The following IGF2BP3 variants were observed in gnomAD, a reference collection of about 807,000 sequenced individuals.
The protein encoded by IGF2BP3 is insulin-like growth factor 2 mRNA-binding protein 3.
IGF2BP3 carries 9 observed loss-of-function variants against 73.8 expected under a neutral mutation model. The ratio of observed to expected loss-of-function variants is 0.12; its 90% CI spans 0.07 to 0.21. The LOEUF is 0.21. Among genes scored for constraint, IGF2BP3 ranks in the 10% least tolerant of loss-of-function variants. The pLI is 1.00. For missense variants in IGF2BP3, 542 were observed against 714.0 expected (o/e 0.76, Z 2.75); for synonymous variants, 258 against 256.7 (o/e 1.01, Z -0.05).
At chr7:23,417,904 A>C (rs1380910413) in intron 3 of IGF2BP3, among the ~76,000 whole-genome samples, 1 of 152,202 alleles carries the variant, frequency 6.6e-6, no homozygotes, top group Non-Finnish European at 1.5e-5. Context: ...GCAAAGCTTA[A>C]TCTCAATAAT....
rs1784070811 is a variant in IGF2BP3 at position 23,319,200 on chromosome 7, T to C, written c.1258A>G (p.Ile420Val). Reference protein sequence around the residue: ...LFIPALSVGAIIGKQGQHIKQ... With the variant: ...LFIPALSVGAVIGKQGQHIKQ... ...ATGTGCTGGCCCTGCTTGCCGATGA[T>C]GGCACCGACTGATAGAGCTGGGATA... Residue 420 changes from isoleucine to valine, a missense_variant, in exon 11 of 15, where the codon ATC (isoleucine) becomes GTC (valine). Around this residue, in one of 2 missense-constraint regions of IGF2BP3, gnomAD observed 303 missense variants for 472.1 expected, o/e 0.64. Coordinates refer to ENST00000258729, the MANE Select transcript of IGF2BP3 (RefSeq NM_006547.3). 1 of 1,613,912 alleles carries C rather than the reference T, an allele frequency of 6.2e-7. No homozygotes were observed. Among genetic ancestry groups the C allele is most frequent in the Non-Finnish European group, 8.5e-7 (1 of 1,179,918 alleles).
chr7:23,400,263 A>G (rs537653110), intron 3 of IGF2BP3, among the ~76,000 whole-genome samples: 1 of 152,370 alleles, frequency 6.6e-6, no homozygotes, highest in Admixed American at 6.5e-5. Flanking sequence ...ATGCAATTCA[A>G]TTCTGTGAAA....
At chr7:23,388,539 G>A (rs998059948) in intron 3 of IGF2BP3, among the ~76,000 whole-genome samples, 1 of 151,760 alleles carries the variant, frequency 6.6e-6, no homozygotes, top group Admixed American at 6.6e-5. Flanking sequence ...AAAATAAATC[G>A]GTTTCAAGGG....
At position 23,460,867 on chromosome 7, in the gene IGF2BP3, C is replaced by T. The variant is rs528003833; in HGVS notation, c.236+7615G>A. Reference sequence around the variant, plus strand: ...TTGGGAGGCTGTGGCAGGAGGACCTCTTGAACCCGGGAGGCGGAGGCTGCA... The same window carrying T: ...TTGGGAGGCTGTGGCAGGAGGACCTTTTGAACCCGGGAGGCGGAGGCTGCA... On this transcript the variant is annotated intron_variant, in intron 2 of 14. Coordinates refer to ENST00000258729, the MANE Select transcript of IGF2BP3 (RefSeq NM_006547.3). 1.5e-3 allele frequency among the ~76,000 whole-genome samples: 234 copies of T among 152,178 alleles called. 1 individual carries two copies. Among genetic ancestry groups the T allele is most frequent in the African/African-American group, 5.1e-3 (213 of 41,504 alleles).
chr7:23,419,598 T>C (rs1787286851), intron 2 of IGF2BP3, among the ~76,000 whole-genome samples: 1 of 152,178 alleles, frequency 6.6e-6, no homozygotes, highest in Non-Finnish European at 1.5e-5. Flanking sequence ...AGGCCTATAA[T>C]CCCAACACTT....
chr7:23,316,436 C>A lies in IGF2BP3; in HGVS notation c.1395+1203G>T, dbSNP rs1443097210. On this transcript the variant is annotated intron_variant, in intron 12 of 14. Transcript: ENST00000258729. Reference sequence around the variant, plus strand: ...GTGGCTGATGCCTGTAATCCCAGCACTTTGGGAGGCTAAGGTGGGCGGATC... The same window carrying A: ...GTGGCTGATGCCTGTAATCCCAGCAATTTGGGAGGCTAAGGTGGGCGGATC... Among the ~76,000 whole-genome samples the A allele has an allele frequency of 2.0e-5, 3 of 152,016 alleles. No homozygotes were observed. In the South Asian group the frequency reaches 6.2e-4, roughly 32 times the overall value.
At chr7:23,419,649 C>G (rs1787289164) in intron 2 of IGF2BP3, among the ~76,000 whole-genome samples, 2 of 152,176 alleles carry the variant, frequency 1.3e-5, no homozygotes, top group South Asian at 4.1e-4. Context: ...GTCTGGAGGT[C>G]AGGACCAGAC....
chr7:23,333,633 G>A (rs987982698), intron 10 of IGF2BP3, among the ~76,000 whole-genome samples: 1 of 152,180 alleles, frequency 6.6e-6, no homozygotes, highest in Non-Finnish European at 1.5e-5. Flanking sequence ...GAAAAAAAGG[G>A]CACATACATG....
intron 12 of IGF2BP3, among the ~76,000 whole-genome samples, chr7:23,315,904 CAT>C (rs1783976687): frequency 6.6e-6 from 1 of 152,166 alleles, no homozygotes; most frequent in Admixed American, 6.5e-5. Context: ...AACTATAAAA[CAT>C]GAGTTTTATT....
At chr7:23,342,288 A>G in intron 9 of IGF2BP3, 99 bp from the exon 10 acceptor site, 1 of 1,317,402 alleles carries the variant, frequency 7.6e-7, no homozygotes, top group South Asian at 1.2e-5. Context: ...CTTGTCTAAT[A>G]AAGAAATGAT....
chr7:23,377,642 A>T (rs1020978195), intron 3 of IGF2BP3, among the ~76,000 whole-genome samples: 4 of 152,222 alleles, frequency 2.6e-5, no homozygotes, highest in African/African-American at 7.2e-5. Context: ...CTGAAAATCT[A>T]TGTTTACACA....
chr7:23,337,073 T>G (rs1784592720), intron 10 of IGF2BP3, among the ~76,000 whole-genome samples: 2 of 152,100 alleles, frequency 1.3e-5, no homozygotes, highest in South Asian at 4.1e-4. Flanking sequence ...GTACACAAAA[T>G]AGTTAAGTAT....
Position 23,310,381 on chromosome 7 carries a change from A to C in IGF2BP3, c.*1981T>G, listed in dbSNP as rs1424877700. 3 of 152,364 alleles carry C rather than the reference A, an allele frequency of 2.0e-5. No individual in the cohort carries two copies. The East Asian group carries it at 5.8e-4, about 29-fold the overall frequency. The allele number at this position is 152,364 out of a possible 1,614,324, so 9.4% of individuals were successfully genotyped here. On this transcript the variant is annotated 3_prime_UTR_variant, in exon 15 of 15. Coordinates refer to ENST00000258729, the MANE Select transcript of IGF2BP3 (RefSeq NM_006547.3). ...TCCAAATTACAAATGCTTAAGTAAA[A>C]GTAAAATATGATTTGCCATACTAAA...
intron 5 of IGF2BP3, among the ~76,000 whole-genome samples, chr7:23,360,939 T>C (rs1562699116): frequency 6.6e-6 from 1 of 152,204 alleles, no homozygotes; most frequent in African/African-American, 2.4e-5. Flanking sequence ...TAGTGCTCAG[T>C]TTATTAGATC....
chr7:23,443,340 G>C (rs1787981375), intron 2 of IGF2BP3, among the ~76,000 whole-genome samples: 2 of 151,874 alleles, frequency 1.3e-5, no homozygotes, highest in African/African-American at 2.4e-5. Context: ...GATCAGGCTG[G>C]TCTCGAACTC....
At chr7:23,419,457 T>C (rs1160982983) in intron 2 of IGF2BP3, among the ~76,000 whole-genome samples, 1 of 152,242 alleles carries the variant, frequency 6.6e-6, no homozygotes, top group Non-Finnish European at 1.5e-5. Context: ...TAGAACTTGT[T>C]GCTTATTATA....
At chr7:23,450,713 G>T (rs901005117) in intron 2 of IGF2BP3, 1 of 152,076 alleles carries the variant, frequency 6.6e-6, no homozygotes, top group South Asian at 2.1e-4. Context: ...GTCTTTACCA[G>T]TAAGCCCCCA....
intron 11 of IGF2BP3, among the ~76,000 whole-genome samples, chr7:23,318,140 T>C (rs922249928): frequency 2.0e-5 from 3 of 152,146 alleles, no homozygotes; most frequent in Non-Finnish European, 2.9e-5. Flanking sequence ...TTGGCCCACT[T>C]GCATCAGGGC....
chr7:23,366,243 T>C (rs1223978803), intron 3 of IGF2BP3, among the ~76,000 whole-genome samples: 1 of 152,054 alleles, frequency 6.6e-6, no homozygotes, highest in Non-Finnish European at 1.5e-5. Context: ...GTTCAAGCGA[T>C]TCTCCTGCCT....
Sources: gnomAD v4.1 joint callset for allele counts (sites outside exome capture counted in the v4.1 genomes callset) on GRCh38, gnomAD v4.1.1 for gene constraint, gnomAD v4.1.1 regional missense constraint, MANE v1.5 for transcripts, NCBI Gene and HGNC (gene_info 2026-07-23, HGNC 2026-07-21) for gene names.